Variants in GALNT17 observed in about 807,000 individuals in gnomAD.
GALNT17 encodes polypeptide N-acetylgalactosaminyltransferase 17.
GALNT17 carries 29 observed loss-of-function variants against 63.7 expected under a neutral mutation model. That is an observed-to-expected ratio of 0.46 (90% CI 0.34 to 0.62). The LOEUF (loss-of-function observed/expected upper bound fraction) is 0.62. Ranked by LOEUF, GALNT17 falls within the 20% of genes least tolerant of loss-of-function variation. The pLI, the probability that GALNT17 is intolerant of heterozygous loss-of-function variation, is 0.01. For missense variants in GALNT17, 603 were observed against 799.6 expected, an observed-to-expected ratio of 0.75 and a Z score of 2.97; for synonymous variants, 305 against 318.3, an observed-to-expected ratio of 0.96 and a Z score of 0.45.
In GALNT17 at chr7:71,711,995, T is replaced by C. The variant is rs1241615426; in HGVS notation, c.1669-23T>C. ...TCTCTCCTCTCTCTCTTCTCCTCTC[T>C]TCTCGATTTTGCCCCCTCCCAGAAT... On this transcript the variant is annotated intron_variant, in intron 10 of 10. Transcript: ENST00000333538. 1.9e-6 allele frequency: 3 copies of C among 1,613,564 alleles called. No homozygotes were observed. The East Asian group carries it at 6.7e-5, about 36-fold the overall frequency.
At chr7:71,345,899 C>T (rs1453323333) in intron 2 of GALNT17, among the ~76,000 whole-genome samples, 1 of 151,752 alleles carries the variant, frequency 6.6e-6, no homozygotes, top group Non-Finnish European at 1.5e-5. Context: ...AGTCAAGAAT[C>T]CAGCTGGGTG....
chr7:71,635,277 A>G (rs1208430525), intron 6 of GALNT17, among the ~76,000 whole-genome samples: 1 of 151,776 alleles, frequency 6.6e-6, no homozygotes, highest in Non-Finnish European at 1.5e-5. Context: ...TCTTATTTGC[A>G]GAGGAAGCTT....
chr7:71,335,400 A>G, intron 1 of GALNT17, 150 bp from the exon 2 acceptor site: 1 of 725,196 alleles, frequency 1.4e-6, no homozygotes, highest in Non-Finnish European at 2.0e-6. Flanking sequence ...AAATGTTTTC[A>G]GGGCCTATAC....
At chr7:71,383,739 T>G (rs1308977503) in intron 2 of GALNT17, among the ~76,000 whole-genome samples, 1 of 151,920 alleles carries the variant, frequency 6.6e-6, no homozygotes, top group Non-Finnish European at 1.5e-5. Flanking sequence ...TGGCTCTGTG[T>G]TTTTTTTATC....
intron 3 of GALNT17, among the ~76,000 whole-genome samples, chr7:71,412,677 T>A (rs1430527343): frequency 6.6e-6 from 1 of 152,226 alleles, no homozygotes; most frequent in African/African-American, 2.4e-5. Flanking sequence ...GAATGTCCTC[T>A]GGCCCCCTCA....
chr7:71,247,271 A>G (rs570907290), intron 1 of GALNT17, among the ~76,000 whole-genome samples: 1 of 152,234 alleles, frequency 6.6e-6, no homozygotes, highest in Non-Finnish European at 1.5e-5. Flanking sequence ...TTAAAATAGT[A>G]CCATCATAGA....
At chr7:71,216,358 T>A (rs1322118651) in intron 1 of GALNT17, among the ~76,000 whole-genome samples, 2 of 152,194 alleles carry the variant, frequency 1.3e-5, no homozygotes, top group Admixed American at 6.5e-5. Context: ...AAGAAAGTAG[T>A]TTTGATTTTG....
At chr7:71,643,769 C>T (rs554037587) in intron 6 of GALNT17, among the ~76,000 whole-genome samples, 1 of 152,234 alleles carries the variant, frequency 6.6e-6, no homozygotes, top group Middle Eastern at 3.4e-3. Flanking sequence ...GAAGATATGC[C>T]AGACACGGTG....
intron 1 of GALNT17, among the ~76,000 whole-genome samples, chr7:71,172,272 C>G (rs1288364109): frequency 6.6e-6 from 1 of 151,754 alleles, no homozygotes; most frequent in Non-Finnish European, 1.5e-5. Context: ...TGGAGACTAG[C>G]TGGGGCAACA....
In GALNT17 at chr7:71,662,332, A is replaced by ATCTG. The variant is rs66585053; in HGVS notation, c.1081-3059_1081-3056dup. ...CATCTCTCTGTTTATCTATCTATCT[A>ATCTG]TCTGTCTGTCTGTCTGTCTGTCTAT... is the stretch of plus-strand genomic sequence containing the variant. On this transcript the variant is annotated intron_variant, in intron 6 of 10. Transcript: ENST00000333538. 4.8e-4 allele frequency among the ~76,000 whole-genome samples: 72 copies of ATCTG among 151,228 alleles called. 1 individual carries two copies. The Middle Eastern group carries it at 0.01, about 21-fold the overall frequency.
intron 6 of GALNT17, among the ~76,000 whole-genome samples, chr7:71,608,215 C>G (rs1790074416): frequency 6.6e-6 from 1 of 152,152 alleles, no homozygotes; most frequent in Non-Finnish European, 1.5e-5. Flanking sequence ...CCCCCTGAAT[C>G]TGGCTTTCAG....
intron 5 of GALNT17, among the ~76,000 whole-genome samples, chr7:71,476,025 C>T (rs1787717281): frequency 6.6e-6 from 1 of 152,038 alleles, no homozygotes; most frequent in Non-Finnish European, 1.5e-5. Context: ...CATCATCAAC[C>T]ACCATCATTA....
intron 5 of GALNT17, among the ~76,000 whole-genome samples, chr7:71,505,869 AT>A (rs1192800199): frequency 7.9e-5 from 12 of 152,216 alleles, no homozygotes; most frequent in Admixed American, 7.2e-4. Flanking sequence ...GGCACCAAGC[AT>A]TTAGCTCTCT....
At chr7:71,646,425 C>T (rs967935705) in intron 6 of GALNT17, among the ~76,000 whole-genome samples, 1 of 152,180 alleles carries the variant, frequency 6.6e-6, no homozygotes, top group Non-Finnish European at 1.5e-5. Context: ...CACCACCTTC[C>T]TCTGGGACTC....
chr7:71,423,512 C>T (rs961844805), intron 5 of GALNT17, among the ~76,000 whole-genome samples: 2 of 152,052 alleles, frequency 1.3e-5, no homozygotes, highest in African/African-American at 4.8e-5. Flanking sequence ...TAGGGGTGTG[C>T]TTGTTGGTGT....
intron 5 of GALNT17, among the ~76,000 whole-genome samples, chr7:71,516,732 G>T (rs574468989): frequency 2.0e-5 from 3 of 152,280 alleles, no homozygotes; most frequent in Admixed American, 2.0e-4. Flanking sequence ...TACCAAGCCT[G>T]TGCCATGGAT....
intron 1 of GALNT17, among the ~76,000 whole-genome samples, chr7:71,181,402 G>A (rs1788733459): frequency 6.6e-6 from 1 of 152,146 alleles, no homozygotes; most frequent in South Asian, 2.1e-4. Flanking sequence ...AGAAAAGGGA[G>A]GGTCAAGGGT....
intron 6 of GALNT17, among the ~76,000 whole-genome samples, chr7:71,646,771 G>C (rs1378583906): frequency 7.8e-6 from 1 of 127,440 alleles, no homozygotes; most frequent in Non-Finnish European, 1.6e-5. Context: ...TTTTGAGATA[G>C]AGTCTCGCTC....
intron 1 of GALNT17, among the ~76,000 whole-genome samples, chr7:71,280,863 C>G (rs1790767105): frequency 6.6e-6 from 1 of 152,168 alleles, no homozygotes; most frequent in Non-Finnish European, 1.5e-5. Flanking sequence ...TGGTCTGCAT[C>G]ACATGCCCAC....
Sources: gnomAD v4.1 joint callset for allele counts (sites outside exome capture counted in the v4.1 genomes callset) on GRCh38, gnomAD v4.1.1 for gene constraint, MANE v1.5 for transcripts, NCBI Gene and HGNC (gene_info 2026-07-23, HGNC 2026-07-21) for gene names.